Variants in STPG2 observed in about 807,000 individuals in gnomAD.
The protein encoded by STPG2 is sperm tail PG-rich repeat containing 2.
Under a neutral mutation model 54.2 loss-of-function variants are expected in STPG2, and 56 were observed. The observed-to-expected ratio is 1.03, with a 90% CI of 0.83 to 1.29. STPG2 has a LOEUF of 1.29. STPG2 is among the 50% of genes most tolerant of loss of function. The pLI is 0.00. For synonymous variants in STPG2, 200 were observed against 181.8 expected, an observed-to-expected ratio of 1.10 and a Z score of -0.81; for missense variants, 596 against 544.9, an observed-to-expected ratio of 1.09 and a Z score of -0.93.
intron 8 of STPG2, among the ~76,000 whole-genome samples, chr4:97,849,663 T>G (rs1174247770): frequency 6.6e-6 from 1 of 151,926 alleles, no homozygotes; most frequent in African/African-American, 2.4e-5. Context: ...AAAAAACACA[T>G]GAAAAAATGC....
chr4:97,654,179 T>TAC (rs1325254107), intron 10 of STPG2, among the ~76,000 whole-genome samples: 1 of 152,246 alleles, frequency 6.6e-6, no homozygotes, highest in African/African-American at 2.4e-5. Flanking sequence ...GGAAGGTATC[T>TAC]ACAGCATTGG....
intron 4 of STPG2, among the ~76,000 whole-genome samples, chr4:98,107,816 G>A (rs1739230309): frequency 6.6e-6 from 1 of 151,894 alleles, no homozygotes; most frequent in South Asian, 2.1e-4. Flanking sequence ...AGCCAATATG[G>A]CAGAAGAAAA....
At chr4:97,868,152 GC>G (rs1469382445) in intron 8 of STPG2, among the ~76,000 whole-genome samples, 1 of 151,674 alleles carries the variant, frequency 6.6e-6, no homozygotes, top group Non-Finnish European at 1.5e-5. Context: ...ATAGTGTCTT[GC>G]TTGCCTCATA....
intron 10 of STPG2, among the ~76,000 whole-genome samples, chr4:97,624,916 A>C (rs1266577533): frequency 6.6e-6 from 1 of 152,176 alleles, no homozygotes; most frequent in East Asian, 1.9e-4. Context: ...GATTTGTCAA[A>C]GATCAGATAA....
intron 10 of STPG2, among the ~76,000 whole-genome samples, chr4:97,640,488 A>C (rs1363865524): frequency 2.0e-5 from 3 of 151,950 alleles, no homozygotes; most frequent in Non-Finnish European, 2.9e-5. Context: ...AATAATTTTT[A>C]ACCTTTAATA....
intron 4 of STPG2, among the ~76,000 whole-genome samples, chr4:97,501,754 A>G (rs903506375): frequency 6.6e-6 from 1 of 152,008 alleles, no homozygotes; most frequent in South Asian, 2.1e-4. Context: ...ACAAAGAACT[A>G]CCTGCATGAA....
intron 8 of STPG2, among the ~76,000 whole-genome samples, chr4:97,880,234 T>C (rs1488227870): frequency 1.3e-5 from 2 of 152,330 alleles, no homozygotes; most frequent in East Asian, 3.9e-4. Context: ...CACTTACATG[T>C]GAAATATAAA....
At chr4:97,494,904 T>C (rs1198103670) in intron 4 of STPG2, among the ~76,000 whole-genome samples, 1 of 151,482 alleles carries the variant, frequency 6.6e-6, no homozygotes, top group Non-Finnish European at 1.5e-5. Flanking sequence ...ATACGCCACA[T>C]ACTTACACTG....
chr4:97,665,512 A>G (rs1051943277), intron 10 of STPG2, among the ~76,000 whole-genome samples: 1 of 152,092 alleles, frequency 6.6e-6, no homozygotes, highest in Non-Finnish European at 1.5e-5. Context: ...GCTGAGTCCA[A>G]GGTTTTTATG....
intron 10 of STPG2, among the ~76,000 whole-genome samples, chr4:97,666,542 G>A (rs757310905): frequency 4.6e-5 from 7 of 152,132 alleles, no homozygotes; most frequent in Non-Finnish European, 8.8e-5. Flanking sequence ...CTTGGCTTTT[G>A]TTTATGAGTT....
At chr4:97,764,112 GCACACACACACA>G (rs3974908) in intron 9 of STPG2, among the ~76,000 whole-genome samples, 1 of 141,076 alleles carries the variant, frequency 7.1e-6, no homozygotes, top group Admixed American at 7.2e-5. Flanking sequence ...AACACCACAT[GCACACACACACA>G]CACACACACA....
intron 5 of STPG2, among the ~76,000 whole-genome samples, chr4:98,101,878 CG>C (rs1739049602): frequency 1.3e-5 from 2 of 149,558 alleles, no homozygotes; most frequent in Non-Finnish European, 3.0e-5. Context: ...CCCTCCCCCC[CG>C]ACCTTAGCCT....
At chr4:97,768,069 A>C (rs1057478997) in intron 9 of STPG2, among the ~76,000 whole-genome samples, 4 of 151,858 alleles carry the variant, frequency 2.6e-5, no homozygotes, top group Non-Finnish European at 4.4e-5. Flanking sequence ...CGGGAAGCTG[A>C]GGCAGGAGAA....
chr4:97,869,019 A>G (rs1422845705), intron 8 of STPG2, among the ~76,000 whole-genome samples: 1 of 151,860 alleles, frequency 6.6e-6, no homozygotes, highest in Non-Finnish European at 1.5e-5. Context: ...TATCTTGAGC[A>G]TGTGACTTTT....
intron 5 of STPG2, among the ~76,000 whole-genome samples, chr4:98,046,675 T>C (rs901594440): frequency 6.6e-6 from 1 of 152,180 alleles, no homozygotes; most frequent in Non-Finnish European, 1.5e-5. Flanking sequence ...TCCAGTTCCT[T>C]TTCTCCTCAG....
At chr4:97,781,167 G>T (rs1260783643) in intron 9 of STPG2, among the ~76,000 whole-genome samples, 39 of 152,006 alleles carry the variant, frequency 2.6e-4, no homozygotes, top group African/African-American at 9.2e-4. Flanking sequence ...AAAAGATCAA[G>T]AAAATTGATA....
rs138596856 is a variant in STPG2 at position 98,143,061 on chromosome 4, G to T, written c.90C>A (p.Phe30Leu). 7 of 1,613,068 alleles carry T rather than the reference G, an allele frequency of 4.3e-6. No individual in the cohort carries two copies. In the Admixed American group the frequency reaches 5.0e-5, roughly 12 times the overall value. ...TCTTACCTGTCGCCTGCTGCTTCAG[G>T]AAAGGTACCTGGTAGGATCCAGGAC... is the stretch of plus-strand genomic sequence containing the variant. ...HVGPGSYQVP[F>L]LKQQATGSNA... Residue 30 changes from phenylalanine to leucine, a missense_variant, in exon 1 of 11, where the codon TTC (phenylalanine) becomes TTA (leucine). Transcript: ENST00000295268.
At chr4:97,702,074 TC>T (rs1193287720) in intron 10 of STPG2, among the ~76,000 whole-genome samples, 1 of 152,154 alleles carries the variant, frequency 6.6e-6, no homozygotes, top group Non-Finnish European at 1.5e-5. Context: ...GATGAGTAGG[TC>T]TAAAGACTAA....
chr4:97,792,526 C>T (rs1010873805), intron 9 of STPG2, among the ~76,000 whole-genome samples: 1 of 152,138 alleles, frequency 6.6e-6, no homozygotes, highest in Non-Finnish European at 1.5e-5. Context: ...ATATTAATTG[C>T]TTCTACTGTT....
Sources: allele counts gnomAD v4.1 joint callset (sites outside exome capture counted in the v4.1 genomes callset), GRCh38; gene constraint gnomAD v4.1.1; transcripts MANE v1.5; gene names NCBI Gene and HGNC (gene_info 2026-07-23, HGNC 2026-07-21).